Variants in SLC13A4 observed in about 807,000 individuals in gnomAD.
SLC13A4 encodes the protein Na(+)/sulfate cotransporter SUT-1.
Under a neutral mutation model 72.7 loss-of-function variants are expected in SLC13A4, and 28 were observed. The ratio of observed to expected loss-of-function variants is 0.39; its 90% CI spans 0.29 to 0.53. The LOEUF is 0.53. Among genes scored for constraint, SLC13A4 ranks in the 20% least tolerant of loss-of-function variants. The probability of loss-of-function intolerance (pLI) is 0.78; values close to 1 mark genes in which losing one functional copy is unlikely to be tolerated. For missense variants in SLC13A4, 653 were observed against 788.0 expected, an observed-to-expected ratio of 0.83 and a Z score of 2.05; for synonymous variants, 312 against 325.5, an observed-to-expected ratio of 0.96 and a Z score of 0.45.
At chr7:135,718,092 C>CGCGCGCGCACGCGT (rs930921249) in intron 2 of SLC13A4, among the ~76,000 whole-genome samples, 1 of 147,202 alleles carries the variant, frequency 6.8e-6, no homozygotes, top group Admixed American at 6.7e-5. Context: ...CACACACGCG[C>CGCGCGCGCACGCGT]GCGCGCGCAC....
At chr7:135,708,327 C>T (rs759164529) in intron 2 of SLC13A4, 77 bp from the exon 3 acceptor site, 35 of 1,582,444 alleles carry the variant, frequency 2.2e-5, no homozygotes, top group Non-Finnish European at 3.0e-5. Context: ...GAGAATGGGC[C>T]ATACCCAATA....
At chr7:135,719,956 G>GGGGAGA (rs1796512265) in intron 2 of SLC13A4, among the ~76,000 whole-genome samples, 1 of 135,904 alleles carries the variant, frequency 7.4e-6, no homozygotes. Context: ...GGAGTTGGGG[G>GGGGAGA]GAGAGAGAGA....
intron 13 of SLC13A4, 84 bp downstream of exon 13, chr7:135,691,117 T>G: frequency 7.8e-7 from 1 of 1,274,442 alleles, no homozygotes. Context: ...TGAGCTGAGA[T>G]TGTGCCACTG....
intron 13 of SLC13A4, among the ~76,000 whole-genome samples, chr7:135,687,838 T>C (rs1167693110): frequency 6.6e-6 from 1 of 152,076 alleles, no homozygotes; most frequent in Admixed American, 6.6e-5. Flanking sequence ...TGAGACAGAG[T>C]TGTGCTCTGT....
At chr7:135,684,400 G>T in intron 14 of SLC13A4, 139 bp from the exon 15 acceptor site, 2 of 905,242 alleles carry the variant, frequency 2.2e-6, no homozygotes, top group South Asian at 2.3e-5. Flanking sequence ...TTAGGTCTCT[G>T]CCCTCTGGGG....
chr7:135,725,775 T>C (rs574145362), intron 1 of SLC13A4, among the ~76,000 whole-genome samples: 147 of 152,214 alleles, frequency 9.7e-4, no homozygotes, highest in Middle Eastern at 3.4e-3. Flanking sequence ...CTGGGCAACA[T>C]AGTGAAACCC....
intron 2 of SLC13A4, among the ~76,000 whole-genome samples, chr7:135,714,365 G>T (rs924517923): frequency 6.6e-6 from 1 of 152,198 alleles, no homozygotes; most frequent in Admixed American, 6.5e-5. Flanking sequence ...CTACCCAGAT[G>T]GGGAAGCTGA....
intron 1 of SLC13A4, among the ~76,000 whole-genome samples, chr7:135,726,720 T>G (rs944425480): frequency 1.3e-5 from 2 of 152,158 alleles, no homozygotes; most frequent in East Asian, 3.9e-4. Flanking sequence ...TTTTTTATCG[T>G]GTCACTTTTT....
rs934815113 is a variant in SLC13A4, at chr7:135,681,455, G to A, written c.*108C>T. 2.1e-6 allele frequency: 3 copies of A among 1,435,802 alleles called. No homozygotes were observed. The highest frequency in any genetic ancestry group is 2.9e-6 in the Non-Finnish European group (3 of 1,051,874). The allele number at this position is 1,435,802 out of a possible 1,614,324, so 88.9% of individuals were successfully genotyped here. ...GGTGGAGGGATGCCCTCCGGCGTGGGTCTGGGGTTGTGTGCTCCTGGTGGT... is the reference window on the plus strand; with the variant it reads ...GGTGGAGGGATGCCCTCCGGCGTGGATCTGGGGTTGTGTGCTCCTGGTGGT... On this transcript the variant is annotated 3_prime_UTR_variant, in exon 16 of 16. Transcript: ENST00000682651.
chr7:135,719,815 G>A lies in SLC13A4; in HGVS notation c.228+1580C>T, dbSNP rs1169151687. On this transcript the variant is annotated intron_variant, in intron 2 of 15. Coordinates refer to ENST00000682651, the MANE Select transcript of SLC13A4 (RefSeq NM_001318192.2). The stretch of plus-strand genomic sequence containing the variant: ...TGTGTGTGTGTGTATGTGTGTGTGT[G>A]TGTGTGTGTGTGTATAGCCACACAC... Among the ~76,000 whole-genome samples the A allele has an allele frequency of 1.0e-4, 14 of 139,926 alleles. No homozygotes were observed. The East Asian group carries it at 1.4e-3, about 14-fold the overall frequency. 91.8% of individuals were successfully genotyped at this position (139,926 alleles called of 152,430 possible).
chr7:135,689,442 G>T (rs1343346429), intron 13 of SLC13A4, among the ~76,000 whole-genome samples: 3 of 152,160 alleles, frequency 2.0e-5, no homozygotes, highest in Admixed American at 2.0e-4. Context: ...CCATAAAAAT[G>T]CAGGGTGCTG....
intron 6 of SLC13A4, chr7:135,702,017 TC>T (rs1440626215): frequency 2.7e-6 from 1 of 366,364 alleles, no homozygotes; most frequent in East Asian, 4.4e-5. Context: ...AGCCAGCCTT[TC>T]TGGGACTTTA....
intron 13 of SLC13A4, among the ~76,000 whole-genome samples, chr7:135,687,768 T>C (rs1795668575): frequency 1.3e-5 from 1 of 78,362 alleles, no homozygotes; most frequent in Non-Finnish European, 2.4e-5. Flanking sequence ...AGATGGAGTT[T>C]TACTTAACGT....
At chr7:135,711,214 C>T (rs929534304) in intron 2 of SLC13A4, among the ~76,000 whole-genome samples, 4 of 152,168 alleles carry the variant, frequency 2.6e-5, no homozygotes, top group African/African-American at 7.2e-5. Flanking sequence ...GGGAGATGGT[C>T]TTTCCACCAG....
intron 2 of SLC13A4, among the ~76,000 whole-genome samples, chr7:135,716,131 T>A (rs1796429255): frequency 6.8e-6 from 1 of 147,786 alleles, no homozygotes; most frequent in Non-Finnish European, 1.5e-5. Flanking sequence ...GGGCCTGGAG[T>A]GTGGAGCCAT....
At chr7:135,697,227 T>C (rs532370038) in intron 8 of SLC13A4, among the ~76,000 whole-genome samples, 1 of 152,394 alleles carries the variant, frequency 6.6e-6, no homozygotes, top group East Asian at 1.9e-4. Context: ...CAGGCCGCTC[T>C]CTTCAAATCT....
At chr7:135,687,796 T>A (rs1795670157) in intron 13 of SLC13A4, among the ~76,000 whole-genome samples, 1 of 152,068 alleles carries the variant, frequency 6.6e-6, no homozygotes, top group African/African-American at 2.4e-5. Context: ...ATAGTACTGG[T>A]AAGTAAAGTG....
intron 9 of SLC13A4, 144 bp from the exon 10 acceptor site, chr7:135,694,382 T>G (rs1795857015): frequency 3.4e-6 from 2 of 596,394 alleles, no homozygotes; most frequent in East Asian, 5.7e-5. Flanking sequence ...CCCCCACCTA[T>G]TCATATGGCT....
chr7:135,691,362 G>C, intron 12 of SLC13A4, 37 bp from the exon 13 acceptor site: 1 of 1,549,478 alleles, frequency 6.5e-7, no homozygotes, highest in Non-Finnish European at 8.8e-7. Context: ...GATAAACCCT[G>C]ATGGACGTGA....
Sources: allele counts gnomAD v4.1 joint callset (sites outside exome capture counted in the v4.1 genomes callset), GRCh38; gene constraint gnomAD v4.1.1; transcripts MANE v1.5; gene names NCBI Gene and HGNC (gene_info 2026-07-23, HGNC 2026-07-21).